The following PTK6 variants were observed in gnomAD, a reference collection of about 807,000 sequenced individuals.
PTK6 encodes the protein protein tyrosine kinase 6, also known as protein-tyrosine kinase 6.
PTK6 carries 47 observed loss-of-function variants against 47.5 expected under a neutral mutation model. The ratio of observed to expected loss-of-function variants is 0.99; its 90% CI spans 0.78 to 1.26. PTK6 has a LOEUF of 1.26. PTK6 is among the 50% of genes most tolerant of loss of function. The pLI, the probability that PTK6 is intolerant of heterozygous loss-of-function variation, is 0.00. For synonymous variants in PTK6, 287 were observed against 276.5 expected, an observed-to-expected ratio of 1.04 and a Z score of -0.38; for missense variants, 618 against 625.3, an observed-to-expected ratio of 0.99 and a Z score of 0.12.
At chr20:63,531,377 C>T (rs6090444) in intron 5 of PTK6, among the ~76,000 whole-genome samples, 17,252 of 140,460 alleles carry the variant, frequency 0.12, 3,558 homozygotes, top group African/African-American at 0.44. Context: ...GCCGAGATCA[C>T]GCCACTGCAC....
At chr20:63,534,736 C>G (rs1481139047) in intron 2 of PTK6, 1 of 819,456 alleles carries the variant, frequency 1.2e-6, no homozygotes, top group Non-Finnish European at 1.8e-6. Context: ...AGGGAGGGGC[C>G]CTGCCCCACG....
intron 5 of PTK6, among the ~76,000 whole-genome samples, chr20:63,532,153 G>C (rs1015161639): frequency 7.0e-6 from 1 of 142,914 alleles, no homozygotes; most frequent in Non-Finnish European, 1.5e-5. Flanking sequence ...GTCTGGATCA[G>C]TGTGTGTCTG....
intron 1 of PTK6, 44 bp from the exon 2 acceptor site, chr20:63,535,103 C>G (rs1222198016): frequency 6.5e-7 from 1 of 1,547,996 alleles, no homozygotes; most frequent in Non-Finnish European, 8.8e-7. Flanking sequence ...GGGCCCACCC[C>G]ACGTGGACCC....
At position 63,530,336 on chromosome 20, in the gene PTK6, T is replaced by C; in HGVS notation, c.1015-105A>G. The C allele has an allele frequency of 7.0e-7, 1 of 1,425,890 alleles. No homozygotes were observed. Among genetic ancestry groups the C allele is most frequent in the Non-Finnish European group, 9.6e-7 (1 of 1,037,578 alleles). The allele number at this position is 1,425,890 out of a possible 1,614,324, so 88.3% of individuals were successfully genotyped here. The stretch of plus-strand genomic sequence containing the variant: ...CATTGCCCCAGCAGTGGGACGGTGA[T>C]GACCCCACTGTCTGACCCACGCACG... On this transcript the variant is annotated intron_variant, in intron 6 of 7. Transcript: ENST00000542869. This position sits in a 1 kb window ranked among gnomAD's most constrained non-coding sequence, Gnocchi z 4.1.
rs773611682 is a variant in PTK6 at position 63,529,522 on chromosome 20, C to T, written c.*14G>A. 9.7e-6 allele frequency: 15 copies of T among 1,547,474 alleles called. No individual in the cohort carries two copies. The highest frequency in any genetic ancestry group is 1.3e-5 in the Non-Finnish European group (15 of 1,146,238). The stretch of plus-strand genomic sequence containing the variant: ...CTCCTCAGCAGGGCCCGGCCATGCC[C>T]GCTCCACAGCAGCTCAGGTCGGGTT... On this transcript the variant is annotated 3_prime_UTR_variant, in exon 8 of 8. Coordinates refer to ENST00000542869, the MANE Select transcript of PTK6 (RefSeq NM_005975.4). The surrounding 1 kb of genome is among the most constrained non-coding windows in gnomAD (Gnocchi z 5.6).
At position 63,533,053 on chromosome 20, in the gene PTK6, A is replaced by T. The variant is rs1212083211; in HGVS notation, c.671-366T>A. On this transcript the variant is annotated intron_variant, in intron 4 of 7. Coordinates refer to ENST00000542869, the MANE Select transcript of PTK6 (RefSeq NM_005975.4). This position sits in a 1 kb window ranked among gnomAD's most constrained non-coding sequence, Gnocchi z 4.0. The stretch of plus-strand genomic sequence containing the variant: ...CTTTCCATTACGTCAAGGATTTTAA[A>T]TTTTCTTTCTTTCTTTCTTTTTTTT... Among the ~76,000 whole-genome samples the T allele has an allele frequency of 6.7e-6, 1 of 150,116 alleles. No homozygotes were observed. Among genetic ancestry groups the T allele is most frequent in the Non-Finnish European group, 1.5e-5 (1 of 67,708 alleles).
chr20:63,528,232 A>G lies in PTK6; in HGVS notation c.*1304T>C, dbSNP rs1429915397. 1.1e-4 allele frequency: 17 copies of G among 152,214 alleles called. No homozygotes were observed. The highest frequency in any genetic ancestry group is 2.9e-5 in the Non-Finnish European group (2 of 68,036). The allele number at this position is 152,214 out of a possible 1,614,324, so 9.4% of individuals were successfully genotyped here. A position where few individuals can be genotyped will look rare whatever the true frequency, so the allele number is the denominator to read the frequency against. ...TCATATCAAAACCAAACCCGTAAAT[A>G]GAACCTCCAGAAGACTTAGTGTGAC... On this transcript the variant is annotated 3_prime_UTR_variant, in exon 8 of 8. Coordinates refer to ENST00000542869, the MANE Select transcript of PTK6 (RefSeq NM_005975.4).
Position 63,529,404 on chromosome 20 carries a change from A to T in PTK6, c.*132T>A. 1 of 1,024,056 alleles carries T rather than the reference A, an allele frequency of 9.8e-7. No homozygotes were observed. The highest frequency in any genetic ancestry group is 1.4e-6 in the Non-Finnish European group (1 of 734,274). The allele number at this position is 1,024,056 out of a possible 1,614,324, so 63.4% of individuals were successfully genotyped here. On this transcript the variant is annotated 3_prime_UTR_variant, in exon 8 of 8. Transcript: ENST00000542869. This position sits in a 1 kb window ranked among gnomAD's most constrained non-coding sequence, Gnocchi z 5.6. ...CGCGTGTATTGGACGCAGACACTCC[A>T]CATTTGTGAACCTTTCCTGCACCCA...
chr20:63,534,643 A>T (rs1191403343), intron 2 of PTK6, among the ~76,000 whole-genome samples: 1 of 152,080 alleles, frequency 6.6e-6, no homozygotes, highest in Non-Finnish European at 1.5e-5. Flanking sequence ...CTCAGGTCTC[A>T]TGCTGGGCGA....
rs1461047699 is a variant in PTK6, at chr20:63,529,632, C to T, written c.1260G>A (p.Met420Ile). 6.4e-7 allele frequency: 1 copy of T among 1,551,624 alleles called. No homozygotes were observed. The highest frequency in any genetic ancestry group is 1.2e-5 in the South Asian group (1 of 84,132). Residue 420 changes from methionine (M) to isoleucine (I), a missense_variant, in exon 8 of 8, where the codon ATG (methionine) becomes ATA (isoleucine). Physicochemically the swap from Met to Ile is conservative, Grantham distance 10. Transcript: ENST00000542869. This position sits in a 1 kb window ranked among gnomAD's most constrained non-coding sequence, Gnocchi z 5.6. ...CGGGGTCCCTGCACCAGCATGTCAG[C>T]ATCAGCTTGTGCACGCTGGGCGGGC... ...LECPPSVHKL[M>I]LTCWCRDPEQ...
Position 63,529,667 on chromosome 20 carries a change from G to T in PTK6, c.1225C>A (p.Pro409Thr). The change falls in exon 8 of 8, where the codon CCT (proline) becomes ACT (threonine). Residue 409 changes from proline to threonine, a missense_variant. By Grantham distance (38) the Pro-to-Thr change is conservative. Coordinates refer to ENST00000542869, the MANE Select transcript of PTK6 (RefSeq NM_005975.4). This position sits in a 1 kb window ranked among gnomAD's most constrained non-coding sequence, Gnocchi z 5.6. ...TGCACGCTGGGCGGGCACTCCAGAG[G>T]GCAGGGCATGCGGTAGCCGGCGTCC... ...RVDAGYRMPCPLECPPSVHKL... is the reference protein window; with the variant it reads ...RVDAGYRMPCTLECPPSVHKL... 1 of 1,547,170 alleles carries T rather than the reference G, an allele frequency of 6.5e-7. No individual in the cohort carries two copies. The highest frequency in any genetic ancestry group is 8.7e-7 in the Non-Finnish European group (1 of 1,146,000).
rs1396867744 is a variant in PTK6 at position 63,530,132 on chromosome 20, AC to A, written c.1113del (p.Trp371CysfsTer28). On this transcript the variant is annotated frameshift_variant, in exon 7 of 8. Transcript: ENST00000542869. LOFTEE classifies it high-confidence loss of function. This position sits in a 1 kb window ranked among gnomAD's most constrained non-coding sequence, Gnocchi z 4.1. Reference protein sequence around the residue: ...RGHYSTKSDVWSFGILLHEMF... With the variant: ...RGHYSTKSDVXSFGILLHEMF... ...ATCTCATGCAGGAGAATCCCAAAGG[AC>A]CAGACGTCGGATTTGGTGGAGTAAT... 6.2e-7 allele frequency: 1 copy of A among 1,613,942 alleles called. No individual in the cohort carries two copies. The highest frequency in any genetic ancestry group is 8.5e-7 in the Non-Finnish European group (1 of 1,180,020).
Position 63,534,365 on chromosome 20 carries a change from C to G in PTK6, c.353-50G>C, listed in dbSNP as rs1047350442. ...TGGCCACCCCAACTCCGACGCCTCC[C>G]TGCGTCCCCAGCCCTGCTGGCCACA... On this transcript the variant is annotated intron_variant, in intron 2 of 7. Transcript: ENST00000542869. 5 of 1,523,434 alleles carry G rather than the reference C, an allele frequency of 3.3e-6. No individual in the cohort carries two copies. The African/African-American group carries it at 4.1e-5, about 12-fold the overall frequency. 94.4% of individuals were successfully genotyped at this position (1,523,434 alleles called of 1,614,324 possible).
intron 3 of PTK6, 47 bp downstream of exon 3, chr20:63,534,105 A>AC (rs1277112058): frequency 1.7e-5 from 25 of 1,485,110 alleles, no homozygotes; most frequent in South Asian, 5.3e-5. Context: ...CCAGCCTGTG[A>AC]CCCCCCAGCC....
intron 5 of PTK6, 129 bp downstream of exon 5, chr20:63,532,397 G>A: frequency 8.2e-7 from 1 of 1,214,074 alleles, no homozygotes; most frequent in South Asian, 1.4e-5. Context: ...GTGTCTGTGT[G>A]TGCATGTGTG....
In PTK6 at chr20:63,532,321, GTATGTC is replaced by G. The variant is rs754151492; in HGVS notation, c.832+199_832+204del. Among the ~76,000 whole-genome samples, 354 of 150,694 alleles carry G rather than the reference GTATGTC, an allele frequency of 2.3e-3. 1 individual carries two copies. The highest frequency in any genetic ancestry group is 3.4e-3 in the Non-Finnish European group (231 of 67,824). ...TGTGTGTGTGTCTGTGTGTGCATGT[GTATGTC>G]TGTGTGCATGTGTGTGTGCATGTGT... On this transcript the variant is annotated intron_variant, in intron 5 of 7. Coordinates refer to ENST00000542869, the MANE Select transcript of PTK6 (RefSeq NM_005975.4).
At position 63,530,940 on chromosome 20, in the gene PTK6, G is replaced by A; in HGVS notation, c.833-13C>T. 1 of 1,590,316 alleles carries A rather than the reference G, an allele frequency of 6.3e-7. No homozygotes were observed. On this transcript the variant is annotated splice_polypyrimidine_tract_variant and intron_variant, in intron 5 of 7. Coordinates refer to ENST00000542869, the MANE Select transcript of PTK6 (RefSeq NM_005975.4). The surrounding 1 kb of genome is among the most constrained non-coding windows in gnomAD (Gnocchi z 4.1). ...TTCTCATCAGAGTCTGCAGAGGGGA[G>A]TGGAGCAGAGCCTGGGGTCAGCTGA...
At chr20:63,532,282 C>CTCT (rs2082628513) in intron 5 of PTK6, among the ~76,000 whole-genome samples, 1 of 146,116 alleles carries the variant, frequency 6.8e-6, no homozygotes, top group African/African-American at 2.6e-5. Context: ...CTGTGTGTGT[C>CTCT]ATGTGATGTG....
Position 63,530,328 on chromosome 20 carries a change from G to A in PTK6, c.1015-97C>T. 1 of 1,470,238 alleles carries A rather than the reference G, an allele frequency of 6.8e-7. No individual in the cohort carries two copies. The highest frequency in any genetic ancestry group is 9.3e-7 in the Non-Finnish European group (1 of 1,074,134). The allele number at this position is 1,470,238 out of a possible 1,614,324, so 91.1% of individuals were successfully genotyped here. On this transcript the variant is annotated intron_variant, in intron 6 of 7. Coordinates refer to ENST00000542869, the MANE Select transcript of PTK6 (RefSeq NM_005975.4). The surrounding 1 kb of genome is among the most constrained non-coding windows in gnomAD (Gnocchi z 4.1). Reference sequence around the variant, plus strand: ...AGCGGCCGCATTGCCCCAGCAGTGGGACGGTGATGACCCCACTGTCTGACC... The same window carrying A: ...AGCGGCCGCATTGCCCCAGCAGTGGAACGGTGATGACCCCACTGTCTGACC...
Sources: gnomAD v4.1 joint callset for allele counts (sites outside exome capture counted in the v4.1 genomes callset) on GRCh38, gnomAD v4.1.1 for gene constraint, Gnocchi (gnomAD v3.1) non-coding constraint, MANE v1.5 for transcripts, NCBI Gene and HGNC (gene_info 2026-07-23, HGNC 2026-07-21) for gene names.